Variants in USH2A observed in about 807,000 individuals in gnomAD.
USH2A encodes the protein Usher syndrome 2A (autosomal recessive, mild).
A neutral mutation model predicts 538.9 loss-of-function variants in USH2A; 443 were observed. The observed-to-expected ratio is 0.82, with a 90% CI of 0.76 to 0.89. USH2A has a LOEUF of 0.89. Among genes scored for constraint, USH2A ranks in the 40% least tolerant of loss-of-function variants. The pLI is 0.00. For synonymous variants in USH2A, 2,413 were observed against 2,273.5 expected, an observed-to-expected ratio of 1.06 and a Z score of -1.75; for missense variants, 6,633 against 6,324.8, an observed-to-expected ratio of 1.05 and a Z score of -1.65.
intron 3 of USH2A, among the ~76,000 whole-genome samples, chr1:216,406,644 A>G (rs530613157): frequency 6.6e-6 from 1 of 152,304 alleles, no homozygotes; most frequent in South Asian, 2.1e-4. Context: ...CCTTGTTCTC[A>G]GATTGTTGCA....
At chr1:216,261,181 G>T (rs1391569526) in intron 11 of USH2A, among the ~76,000 whole-genome samples, 1 of 151,852 alleles carries the variant, frequency 6.6e-6, no homozygotes, top group Non-Finnish European at 1.5e-5. Flanking sequence ...ATTAGAGATG[G>T]AAGAAATCAT....
At chr1:215,955,800 G>A in intron 37 of USH2A, among the ~76,000 whole-genome samples, 1 of 152,124 alleles carries the variant, frequency 6.6e-6, no homozygotes, top group Admixed American at 6.6e-5. Context: ...GATGTGGGCT[G>A]TTCTTGGTAT....
chr1:216,243,694 T>C (rs1184396423), intron 13 of USH2A, among the ~76,000 whole-genome samples: 2 of 152,220 alleles, frequency 1.3e-5, no homozygotes, highest in African/African-American at 4.8e-5. Context: ...GGGGAATGCC[T>C]TTAGAGAGTC....
At chr1:216,311,371 A>C (rs1427172867) in intron 9 of USH2A, among the ~76,000 whole-genome samples, 1 of 152,152 alleles carries the variant, frequency 6.6e-6, no homozygotes, top group Non-Finnish European at 1.5e-5. Flanking sequence ...AGTTGGAGGA[A>C]AATCTTCTGC....
intron 16 of USH2A, among the ~76,000 whole-genome samples, chr1:216,203,397 C>T (rs963511676): frequency 2.0e-5 from 3 of 151,860 alleles, no homozygotes; most frequent in African/African-American, 7.3e-5. Context: ...TAACAATATA[C>T]CCCAATAATA....
intron 30 of USH2A, among the ~76,000 whole-genome samples, chr1:216,054,540 T>C (rs960105345): frequency 6.6e-6 from 1 of 152,160 alleles, no homozygotes; most frequent in Non-Finnish European, 1.5e-5. Context: ...GTATAAATGC[T>C]CTGCCTGGAA....
At chr1:216,221,134 T>C (rs962720661) in intron 14 of USH2A, among the ~76,000 whole-genome samples, 3 of 152,180 alleles carry the variant, frequency 2.0e-5, no homozygotes, top group African/African-American at 7.2e-5. Flanking sequence ...AGCTTTAGAC[T>C]TAGGATAGGA....
chr1:216,035,151 T>A (rs764682305), intron 32 of USH2A, among the ~76,000 whole-genome samples: 6 of 152,178 alleles, frequency 3.9e-5, no homozygotes, highest in Non-Finnish European at 8.8e-5. Flanking sequence ...AATCACAGCA[T>A]CAAATGCACA....
intron 47 of USH2A, among the ~76,000 whole-genome samples, chr1:215,826,282 A>G (rs1427441158): frequency 2.6e-5 from 4 of 152,182 alleles, no homozygotes; most frequent in Non-Finnish European, 5.9e-5. Context: ...TGGCACCACA[A>G]GTGATCAGCT....
chr1:215,836,488 T>TTA (rs201391869), intron 47 of USH2A, among the ~76,000 whole-genome samples: 9,438 of 20,586 alleles, frequency 0.46, 2,879 homozygotes, highest in Non-Finnish European at 0.61. Flanking sequence ...ATAATATATA[T>TTA]TATATATATA....
chr1:216,267,720 C>A (rs940344347), intron 11 of USH2A, among the ~76,000 whole-genome samples: 40 of 152,074 alleles, frequency 2.6e-4, no homozygotes, highest in African/African-American at 9.2e-4. Flanking sequence ...TTACCTCTGT[C>A]ATTCAATTCC....
Position 216,289,376 on chromosome 1 carries a change from G to T in USH2A, c.1875C>A (p.Phe625Leu). The change falls in exon 11 of 72, where the codon TTC becomes TTA. Residue 625 changes from phenylalanine to leucine, a missense_variant. Coordinates refer to ENST00000307340, the MANE Select transcript of USH2A (RefSeq NM_206933.4). Reference protein sequence around the residue: ...RNCELCKDYFFRQVGADPSAI... With the variant: ...RNCELCKDYFLRQVGADPSAI... ...CCGAAGGATCTGCACCAACTTGTCG[G>T]AAAAAGTAATCCTTGCACAGCTCAC... 1 of 1,613,968 alleles carries T rather than the reference G, an allele frequency of 6.2e-7. No homozygotes were observed. The highest frequency in any genetic ancestry group is 8.5e-7 in the Non-Finnish European group (1 of 1,179,854).
Position 215,640,642 on chromosome 1 carries a change from T to G in USH2A, c.14884A>C (p.Lys4962Gln). 1 of 1,613,852 alleles carries G rather than the reference T, an allele frequency of 6.2e-7. No homozygotes were observed. The highest frequency in any genetic ancestry group is 8.5e-7 in the Non-Finnish European group (1 of 1,179,988). The change falls in exon 68 of 72, where the codon AAG becomes CAG. Residue 4962 changes from lysine to glutamine, a missense_variant. Lys to Gln is a moderately conservative substitution (Grantham distance 53). Coordinates refer to ENST00000307340, the MANE Select transcript of USH2A (RefSeq NM_206933.4). ...CCTCCGTCGGTTAACACGTACTCCT[T>G]CAGTTGGCCGTTCAGGAGGAAGGTG... Reference protein sequence around the residue: ...SDTFLLNGQLKEYVLTDGGRR... With the variant: ...SDTFLLNGQLQEYVLTDGGRR...
chr1:216,197,587 A>C (rs2034880459), intron 18 of USH2A, among the ~76,000 whole-genome samples: 1 of 152,136 alleles, frequency 6.6e-6, no homozygotes, highest in South Asian at 2.1e-4. Context: ...AGCTACCCTC[A>C]TCCTCCATAT....
Position 215,858,666 on chromosome 1 carries a change from A to G in USH2A, c.8845+8341T>C, listed in dbSNP as rs116563281. Among the ~76,000 whole-genome samples, 584 of 151,968 alleles carry G rather than the reference A, an allele frequency of 3.8e-3. 6 individuals carry two copies. Among genetic ancestry groups the G allele is most frequent in the African/African-American group, 0.013 (529 of 41,368 alleles). ...GACTATTACAATCTCAGTGAGCTGA[A>G]AAAGGTTGTAACCTTTTTGGATAAG... On this transcript the variant is annotated intron_variant, in intron 44 of 71. Coordinates refer to ENST00000307340, the MANE Select transcript of USH2A (RefSeq NM_206933.4).
At chr1:216,078,978 T>TCACCCA (rs2031845433) in intron 26 of USH2A, 1 of 152,118 alleles carries the variant, frequency 6.6e-6, no homozygotes, top group Non-Finnish European at 1.5e-5. Flanking sequence ...TGAACATATT[T>TCACCCA]CACCCAAATT....
chr1:216,393,205 C>T (rs561321935), intron 3 of USH2A, among the ~76,000 whole-genome samples: 2 of 152,274 alleles, frequency 1.3e-5, no homozygotes, highest in African/African-American at 4.8e-5. Context: ...ATACTATGCA[C>T]TTATTCGAGT....
chr1:215,789,983 A>G (rs1661933895), intron 51 of USH2A, 76 bp downstream of exon 51: 1 of 1,406,878 alleles, frequency 7.1e-7, no homozygotes, highest in Non-Finnish European at 9.9e-7. Flanking sequence ...TTCCTATTTT[A>G]GAAAAATAGT....
At position 216,349,446 on chromosome 1, in the gene USH2A, C is replaced by T. The variant is rs188321208; in HGVS notation, c.784+15507G>A. Among the ~76,000 whole-genome samples, 13 of 152,206 alleles carry T rather than the reference C, an allele frequency of 8.5e-5. No homozygotes were observed. In the East Asian group the frequency reaches 1.7e-3, roughly 20 times the overall value. On this transcript the variant is annotated intron_variant, in intron 4 of 71. Transcript: ENST00000307340. ...CAAGAGGGTAAGTCATCCTAAGTCA[C>T]AGGATGAGATAGGAGGTTGGCTCAA...
Sources: gnomAD v4.1 joint callset for allele counts (sites outside exome capture counted in the v4.1 genomes callset) on GRCh38, gnomAD v4.1.1 for gene constraint, MANE v1.5 for transcripts, NCBI Gene and HGNC (gene_info 2026-07-23, HGNC 2026-07-21) for gene names.